DPP10: variants seen among roughly 807,000 people sequenced by gnomAD.
DPP10 encodes inactive dipeptidyl peptidase 10.
In DPP10, 33 loss-of-function variants were observed where a neutral mutation model predicts 120.9. The ratio of observed to expected loss-of-function variants is 0.27; its 90% CI spans 0.21 to 0.37. The LOEUF is 0.37. Ranked by LOEUF, DPP10 falls within the 10% of genes least tolerant of loss-of-function variation. The pLI is 1.00. For missense variants in DPP10, 816 were observed against 942.8 expected (o/e 0.87, Z 1.76); for synonymous variants, 337 against 326.1 (o/e 1.03, Z -0.36).
At chr2:115,117,435 A>G (rs1271888355) in intron 1 of DPP10, among the ~76,000 whole-genome samples, 3 of 152,130 alleles carry the variant, frequency 2.0e-5, no homozygotes, top group Non-Finnish European at 4.4e-5. Flanking sequence ...AACTGCTAGT[A>G]TTTATACTTC....
intron 1 of DPP10, among the ~76,000 whole-genome samples, chr2:115,012,510 C>T (rs1212711664): frequency 1.3e-5 from 2 of 152,218 alleles, no homozygotes; most frequent in East Asian, 3.9e-4. Context: ...CATCACAGGG[C>T]TCTTTGCAGA....
rs112265356 is a variant in DPP10, at chr2:115,038,470, G to C, written c.61-270769G>C. 1.0e-3 allele frequency among the ~76,000 whole-genome samples: 152 copies of C among 151,788 alleles called. 1 individual carries two copies. Among genetic ancestry groups the C allele is most frequent in the African/African-American group, 3.5e-3 (146 of 41,386 alleles). ...TTTAACAGATTTTTGGTAGAGAAGG[G>C]GTTTCAACGTGTTAGCCAGTATGGT... On this transcript the variant is annotated intron_variant, in intron 1 of 25. Transcript: ENST00000410059.
chr2:115,216,280 G>A (rs148256842), intron 1 of DPP10, among the ~76,000 whole-genome samples: 229 of 152,038 alleles, frequency 1.5e-3, no homozygotes, highest in African/African-American at 4.0e-3. Context: ...ACAAAACTGC[G>A]CTGGCACACC....
chr2:115,471,477 T>C (rs2074712238), intron 3 of DPP10, among the ~76,000 whole-genome samples: 1 of 152,210 alleles, frequency 6.6e-6, no homozygotes, highest in South Asian at 2.1e-4. Flanking sequence ...CCTTGCTCTC[T>C]GGTCTCTCCT....
At chr2:115,202,311 TAAAGTA>T (rs1424587581) in intron 1 of DPP10, among the ~76,000 whole-genome samples, 5 of 152,180 alleles carry the variant, frequency 3.3e-5, no homozygotes, top group Admixed American at 3.3e-4. Flanking sequence ...CCTAGAAACA[TAAAGTA>T]AAATCACTCT....
At chr2:114,815,234 T>C (rs762981657) in intron 1 of DPP10, among the ~76,000 whole-genome samples, 1 of 152,222 alleles carries the variant, frequency 6.6e-6, no homozygotes, top group Non-Finnish European at 1.5e-5. Context: ...AAAAATATTC[T>C]ATTTTGGTAC....
intron 3 of DPP10, among the ~76,000 whole-genome samples, chr2:115,389,346 C>T (rs2067172443): frequency 6.8e-6 from 1 of 146,660 alleles, no homozygotes; most frequent in East Asian, 2.0e-4. Flanking sequence ...ATGTGGCTTA[C>T]TACGTCTCAG....
At chr2:115,622,004 A>T (rs1381338496) in intron 5 of DPP10, among the ~76,000 whole-genome samples, 1 of 152,186 alleles carries the variant, frequency 6.6e-6, no homozygotes, top group East Asian at 1.9e-4. Context: ...TAATAGCTTT[A>T]TTGAGATATA....
intron 5 of DPP10, among the ~76,000 whole-genome samples, chr2:115,645,393 T>C (rs1487514359): frequency 6.6e-6 from 1 of 152,206 alleles, no homozygotes; most frequent in Admixed American, 6.5e-5. Flanking sequence ...GCTGAGAAGC[T>C]ACACCCTCTT....
intron 1 of DPP10, among the ~76,000 whole-genome samples, chr2:115,095,925 C>G (rs990413455): frequency 4.6e-5 from 7 of 152,060 alleles, no homozygotes; most frequent in African/African-American, 1.7e-4. Context: ...AGAAGATGAG[C>G]AAGCCTCTTG....
chr2:115,279,032 T>C (rs1245523951), intron 1 of DPP10, among the ~76,000 whole-genome samples: 2 of 152,146 alleles, frequency 1.3e-5, no homozygotes, highest in Non-Finnish European at 2.9e-5. Context: ...TTTGATTAGG[T>C]TATGATTTAT....
At chr2:114,848,083 G>A (rs1688679507) in intron 1 of DPP10, among the ~76,000 whole-genome samples, 1 of 152,184 alleles carries the variant, frequency 6.6e-6, no homozygotes, top group Non-Finnish European at 1.5e-5. Context: ...TACGCCCAGG[G>A]CAGGTGGGAG....
chr2:114,898,312 C>T (rs1025946307), intron 1 of DPP10, among the ~76,000 whole-genome samples: 1 of 147,468 alleles, frequency 6.8e-6, no homozygotes, highest in African/African-American at 2.5e-5. Context: ...AACACATGGA[C>T]ACAGGAAGGG....
At chr2:115,026,605 G>A (rs527430281) in intron 1 of DPP10, among the ~76,000 whole-genome samples, 12 of 152,032 alleles carry the variant, frequency 7.9e-5, no homozygotes, top group Non-Finnish European at 1.3e-4. Context: ...GTGCCATCTC[G>A]GCTCATTGCA....
intron 1 of DPP10, among the ~76,000 whole-genome samples, chr2:115,154,891 A>AC (rs1283039467): frequency 1.3e-5 from 2 of 148,180 alleles, no homozygotes; most frequent in African/African-American, 4.9e-5. Context: ...TTTTGCCATT[A>AC]CTTTTTTTTT....
At chr2:114,480,713 G>C (rs1026471193) in intron 1 of DPP10, among the ~76,000 whole-genome samples, 4 of 130,756 alleles carry the variant, frequency 3.1e-5, no homozygotes, top group East Asian at 2.8e-4. Context: ...GTTGTGGGGT[G>C]GGGGGAGGGG....
intron 4 of DPP10, among the ~76,000 whole-genome samples, chr2:115,523,973 A>G (rs1198230532): frequency 1.3e-5 from 2 of 152,164 alleles, no homozygotes; most frequent in East Asian, 1.9e-4. Flanking sequence ...AAAATGCCTT[A>G]TATGTAGATT....
At chr2:115,240,065 G>A (rs1177050187) in intron 1 of DPP10, among the ~76,000 whole-genome samples, 2 of 152,172 alleles carry the variant, frequency 1.3e-5, no homozygotes, top group African/African-American at 2.4e-5. Context: ...ATAAACATAC[G>A]TGTGCATGTG....
At chr2:115,671,661 T>C (rs960353798) in intron 5 of DPP10, among the ~76,000 whole-genome samples, 2 of 152,170 alleles carry the variant, frequency 1.3e-5, no homozygotes, top group Non-Finnish European at 2.9e-5. Context: ...TGCATTCTAT[T>C]AGACAGCACT....
Sources: allele counts gnomAD v4.1 joint callset (sites outside exome capture counted in the v4.1 genomes callset), GRCh38; gene constraint gnomAD v4.1.1; transcripts MANE v1.5; gene names NCBI Gene and HGNC (gene_info 2026-07-23, HGNC 2026-07-21).